THRB: variants seen among roughly 807,000 people sequenced by gnomAD.
THRB encodes nuclear receptor subfamily 1 group A member 2.
Under a neutral mutation model 47.8 loss-of-function variants are expected in THRB, and 12 were observed. The observed-to-expected ratio is 0.25, with a 90% CI of 0.16 to 0.41. THRB has a LOEUF of 0.41. Ranked by LOEUF, THRB falls within the 10% of genes least tolerant of loss-of-function variation. The pLI, the probability that THRB is intolerant of heterozygous loss-of-function variation, is 1.00. For synonymous variants in THRB, 218 were observed against 212.2 expected, an observed-to-expected ratio of 1.03 and a Z score of -0.24; for missense variants, 348 against 589.2, an observed-to-expected ratio of 0.59 and a Z score of 4.24.
intron 3 of THRB, among the ~76,000 whole-genome samples, chr3:24,271,374 C>T (rs952610380): frequency 2.6e-5 from 4 of 152,072 alleles, no homozygotes; most frequent in Admixed American, 6.6e-5. Flanking sequence ...AAGACTTGGA[C>T]CTTTCTAGAA....
Position 24,122,657 on chromosome 3 carries a change from T to C in THRB, c.*227A>G, listed in dbSNP as rs544546433. The C allele has an allele frequency of 1.5e-3, 896 of 592,888 alleles. 2 individuals carry two copies. Among genetic ancestry groups the C allele is most frequent in the Non-Finnish European group, 2.2e-3 (746 of 339,372 alleles). 36.7% of individuals were successfully genotyped at this position (592,888 alleles called of 1,614,324 possible). A position where few individuals can be genotyped will look rare whatever the true frequency, so the allele number is the denominator to read the frequency against. ...GTCCCCCACCCCACCTCCACAACCA[T>C]AAAACCTTCAGAGCATTCACATCAC... On this transcript the variant is annotated 3_prime_UTR_variant, in exon 11 of 11. Transcript: ENST00000646209.
At chr3:24,408,132 T>C (rs1412198904) in intron 1 of THRB, among the ~76,000 whole-genome samples, 2 of 151,834 alleles carry the variant, frequency 1.3e-5, no homozygotes, top group Non-Finnish European at 2.9e-5. Context: ...ATGATAGACA[T>C]ATTTTGATCT....
intron 5 of THRB, among the ~76,000 whole-genome samples, chr3:24,183,084 G>C (rs534096676): frequency 6.6e-6 from 1 of 152,152 alleles, no homozygotes; most frequent in Admixed American, 6.5e-5. Flanking sequence ...AAATACTTTG[G>C]TTGTTGCTAT....
chr3:24,451,844 C>T (rs989813721), intron 1 of THRB, among the ~76,000 whole-genome samples: 3 of 152,210 alleles, frequency 2.0e-5, no homozygotes, highest in African/African-American at 7.2e-5. Flanking sequence ...GTTTGCTCAA[C>T]ATTTCCAGGG....
intron 5 of THRB, among the ~76,000 whole-genome samples, chr3:24,187,373 G>T (rs2042732302): frequency 6.6e-6 from 1 of 152,214 alleles, no homozygotes; most frequent in Non-Finnish European, 1.5e-5. Flanking sequence ...GTCTAGCCTG[G>T]CTAGATGACT....
chr3:24,184,314 TGTAA>T (rs1349327120), intron 5 of THRB, among the ~76,000 whole-genome samples: 1 of 152,170 alleles, frequency 6.6e-6, no homozygotes, highest in Admixed American at 6.5e-5. Flanking sequence ...TTGTGCCCTG[TGTAA>T]GTATTTCCCT....
chr3:24,133,185 T>G (rs1196707546), intron 9 of THRB, 131 bp downstream of exon 9: 1 of 1,017,036 alleles, frequency 9.8e-7, no homozygotes, highest in Non-Finnish European at 1.5e-6. Flanking sequence ...CATTTTCGTT[T>G]TGTACTGACG....
chr3:24,416,354 G>A (rs1382750517), intron 1 of THRB, among the ~76,000 whole-genome samples: 1 of 151,692 alleles, frequency 6.6e-6, no homozygotes, highest in Non-Finnish European at 1.5e-5. Flanking sequence ...TAAATGGCTC[G>A]CTGATGGGAT....
chr3:24,478,761 C>T (rs1280526947), intron 1 of THRB, among the ~76,000 whole-genome samples: 4 of 152,066 alleles, frequency 2.6e-5, no homozygotes, highest in Non-Finnish European at 4.4e-5. Flanking sequence ...TCTCCCCCTA[C>T]CCCATGAGGG....
intron 1 of THRB, among the ~76,000 whole-genome samples, chr3:24,477,079 T>C (rs2125828282): frequency 7.2e-6 from 1 of 138,170 alleles, no homozygotes; most frequent in Admixed American, 6.9e-5. Flanking sequence ...GACATACATA[T>C]AAAGGGGTGT....
At chr3:24,252,076 G>A (rs569291406) in intron 3 of THRB, among the ~76,000 whole-genome samples, 8 of 152,156 alleles carry the variant, frequency 5.3e-5, no homozygotes, top group African/African-American at 1.7e-4. Context: ...CTTGAAAGAC[G>A]CTAAAATGGT....
chr3:24,227,383 T>C (rs888823584), intron 4 of THRB, among the ~76,000 whole-genome samples: 2 of 152,196 alleles, frequency 1.3e-5, no homozygotes, highest in Non-Finnish European at 2.9e-5. Context: ...TGTGTTGGTT[T>C]ATGACGTAGA....
intron 1 of THRB, among the ~76,000 whole-genome samples, chr3:24,419,250 G>A (rs146066363): frequency 1.8e-4 from 28 of 152,030 alleles, no homozygotes; most frequent in Admixed American, 1.7e-3. Context: ...CTTGGTGGCA[G>A]GCTCAATGCT....
chr3:24,415,370 A>C lies in THRB; in HGVS notation c.-260-77999T>G, dbSNP rs9835931. 6.1e-3 allele frequency among the ~76,000 whole-genome samples: 926 copies of C among 151,990 alleles called. 10 individuals carry two copies. Among genetic ancestry groups the C allele is most frequent in the African/African-American group, 0.021 (862 of 41,528 alleles). ...ATCATTTATGAAATGAGATAAGCTA[A>C]TTTGTTAGCTTGCAAACAGGGTAAA... is the stretch of plus-strand genomic sequence containing the variant. On this transcript the variant is annotated intron_variant, in intron 1 of 10. Coordinates refer to ENST00000646209, the MANE Select transcript of THRB (RefSeq NM_001354712.2).
chr3:24,237,316 G>C (rs1026401732), intron 3 of THRB, among the ~76,000 whole-genome samples: 1 of 152,178 alleles, frequency 6.6e-6, no homozygotes, highest in Non-Finnish European at 1.5e-5. Flanking sequence ...CTCTGTAAGT[G>C]TTTTGCCGTC....
In THRB at chr3:24,122,678, A is replaced by G. The variant is rs2031907096; in HGVS notation, c.*206T>C. ...ACCATAAAACCTTCAGAGCATTCAC[A>G]TCACAGGACCGGAGAACGAAATGCA... On this transcript the variant is annotated 3_prime_UTR_variant, in exon 11 of 11. Coordinates refer to ENST00000646209, the MANE Select transcript of THRB (RefSeq NM_001354712.2). 6 of 653,658 alleles carry G rather than the reference A, an allele frequency of 9.2e-6. No individual in the cohort carries two copies. Among genetic ancestry groups the G allele is most frequent in the Non-Finnish European group, 2.6e-6 (1 of 383,882 alleles). The allele number at this position is 653,658 out of a possible 1,614,324, so 40.5% of individuals were successfully genotyped here. A position where few individuals can be genotyped will look rare whatever the true frequency, so the allele number is the denominator to read the frequency against.
chr3:24,202,965 C>CA (rs1275702462), intron 4 of THRB, among the ~76,000 whole-genome samples: 3 of 152,158 alleles, frequency 2.0e-5, no homozygotes, highest in Non-Finnish European at 2.9e-5. Flanking sequence ...CAGGATGGGT[C>CA]AACTGGCCTG....
chr3:24,215,571 A>G (rs1323617259), intron 4 of THRB, among the ~76,000 whole-genome samples: 4 of 152,188 alleles, frequency 2.6e-5, no homozygotes, highest in Non-Finnish European at 5.9e-5. Context: ...AGATGACTTC[A>G]CTGTAAAGAT....
chr3:24,258,231 G>A (rs918313714), intron 3 of THRB, among the ~76,000 whole-genome samples: 10 of 152,060 alleles, frequency 6.6e-5, no homozygotes, highest in Admixed American at 4.6e-4. Context: ...TGCAAGCGAC[G>A]CCTAAGAACC....
Sources: gnomAD v4.1 joint callset for allele counts (sites outside exome capture counted in the v4.1 genomes callset) on GRCh38, gnomAD v4.1.1 for gene constraint, MANE v1.5 for transcripts, NCBI Gene and HGNC (gene_info 2026-07-23, HGNC 2026-07-21) for gene names.